DMD: variants seen among roughly 807,000 people sequenced by gnomAD.
DMD encodes the protein mutant dystrophin.
In DMD, 63 loss-of-function variants were observed where a neutral mutation model predicts 330.1. The observed-to-expected ratio is 0.19, with a 90% CI of 0.16 to 0.24. The LOEUF is 0.24. Among genes scored for constraint, DMD ranks in the 10% least tolerant of loss-of-function variants. The probability of loss-of-function intolerance (pLI) is 1.00; values close to 1 mark genes in which losing one functional copy is unlikely to be tolerated. For missense variants in DMD, 3,344 were observed against 2,684.1 expected (o/e 1.25, Z -5.43); for synonymous variants, 1,223 against 959.8 (o/e 1.27, Z -5.07).
At chrX:31,787,641 C>T (rs931880547) in intron 50 of DMD, among the ~76,000 whole-genome samples, 6 of 111,632 alleles carry the variant, frequency 5.4e-5, no homozygotes, top group African/African-American at 2.0e-4. Flanking sequence ...ACTCCGTCTT[C>T]ATAATGACCT....
At chrX:32,919,001 G>C (rs1301857727) in intron 2 of DMD, among the ~76,000 whole-genome samples, 1 of 112,179 alleles carries the variant, frequency 8.9e-6, no homozygotes, top group Non-Finnish European at 1.9e-5. Context: ...GGTAGGTTGA[G>C]AAAGTGGGAA....
chrX:33,056,033 A>G (rs896642086), intron 1 of DMD, among the ~76,000 whole-genome samples: 4 of 110,167 alleles, frequency 3.6e-5, no homozygotes, highest in African/African-American at 1.3e-4. Context: ...CAGCCCGAGA[A>G]TTTACATTTC....
chrX:32,383,381 A>C (rs1238445178), intron 33 of DMD, among the ~76,000 whole-genome samples: 2 of 111,636 alleles, frequency 1.8e-5, no homozygotes, highest in East Asian at 5.6e-4. Flanking sequence ...TTAAAATAGA[A>C]GGGTTCCTTC....
chrX:32,598,156 C>T (rs1275325114), intron 12 of DMD, among the ~76,000 whole-genome samples: 1 of 112,140 alleles, frequency 8.9e-6, no homozygotes, highest in Non-Finnish European at 1.9e-5. Flanking sequence ...CTTTTTACTT[C>T]GTCTCTCTAG....
intron 44 of DMD, among the ~76,000 whole-genome samples, chrX:32,132,833 T>C (rs2096703666): frequency 1.8e-5 from 2 of 110,339 alleles, no homozygotes; most frequent in African/African-American, 3.3e-5. Flanking sequence ...ATGTTATATC[T>C]AAAAAAATTA....
intron 7 of DMD, among the ~76,000 whole-genome samples, chrX:32,795,220 T>G (rs2076100140): frequency 8.9e-6 from 1 of 111,885 alleles, no homozygotes; most frequent in Admixed American, 9.5e-5. Flanking sequence ...GAACAAAGAC[T>G]TATGAATCAC....
intron 18 of DMD, among the ~76,000 whole-genome samples, chrX:32,507,100 G>A (rs1378567896): frequency 8.9e-6 from 1 of 111,735 alleles, no homozygotes; most frequent in African/African-American, 3.2e-5. Flanking sequence ...GAAAAAATAA[G>A]CACATTTAAG....
chrX:32,704,782 A>T lies in DMD; in HGVS notation c.650-5489T>A, dbSNP rs867233577. ...GGAAAGAAGGCACTTCTGGTCATAA[A>T]CTAGCCATAGCCAGAATGCTCAAAA... On this transcript the variant is annotated intron_variant, in intron 7 of 78. Transcript: ENST00000357033. 4.5e-5 allele frequency among the ~76,000 whole-genome samples: 5 copies of T among 112,213 alleles called. 1 individual carries two copies. In the Middle Eastern group the frequency reaches 0.018, roughly 414 times the overall value.
intron 2 of DMD, among the ~76,000 whole-genome samples, chrX:32,898,188 G>A (rs1169448620): frequency 8.9e-6 from 1 of 111,912 alleles, no homozygotes; most frequent in Non-Finnish European, 1.9e-5. Context: ...GCAAGACACT[G>A]GCGTTTTGGA....
chrX:32,117,646 G>T (rs2096616678), intron 44 of DMD, among the ~76,000 whole-genome samples: 1 of 112,219 alleles, frequency 8.9e-6, no homozygotes, highest in Non-Finnish European at 1.9e-5. Context: ...ATGCATATGG[G>T]AGAAGAGTGA....
chrX:31,560,940 G>A (rs980142883), intron 55 of DMD, among the ~76,000 whole-genome samples: 1 of 111,451 alleles, frequency 9.0e-6, no homozygotes, highest in African/African-American at 3.3e-5. Flanking sequence ...TAGTAGTTAC[G>A]TTTTGGGGGA....
intron 1 of DMD, among the ~76,000 whole-genome samples, chrX:33,199,788 T>C (rs1179589323): frequency 9.0e-6 from 1 of 111,137 alleles, no homozygotes; most frequent in Non-Finnish European, 1.9e-5. Flanking sequence ...TCCAAAGTAG[T>C]AGTGAAGCCA....
chrX:31,901,031 C>T (rs980220297), intron 47 of DMD, among the ~76,000 whole-genome samples: 6 of 111,657 alleles, frequency 5.4e-5, no homozygotes, highest in African/African-American at 2.0e-4. Flanking sequence ...GTATATTCTC[C>T]CATGTAGACA....
intron 50 of DMD, among the ~76,000 whole-genome samples, chrX:31,810,800 G>A (rs745320115): frequency 1.8e-5 from 2 of 111,550 alleles, no homozygotes; most frequent in Non-Finnish European, 3.8e-5. Flanking sequence ...CATTTTGAGC[G>A]GTAGGGTACT....
At chrX:32,565,946 T>G in intron 15 of DMD, 65 bp from the exon 16 acceptor site, 1 of 1,006,151 alleles carries the variant, frequency 9.9e-7, no homozygotes, top group Non-Finnish European at 1.4e-6. Context: ...TATAGTTCAA[T>G]CTGCTTTTGC....
intron 27 of DMD, 126 bp from the exon 28 acceptor site, chrX:32,441,440 A>T (rs1355923592): frequency 3.1e-6 from 2 of 652,918 alleles, no homozygotes; most frequent in Non-Finnish European, 4.6e-6. Context: ...ACTTTGTAGC[A>T]GGTAATTCAA....
chrX:32,547,996 C>T (rs746643428), intron 16 of DMD, among the ~76,000 whole-genome samples: 4 of 111,584 alleles, frequency 3.6e-5, no homozygotes, highest in Non-Finnish European at 7.5e-5. Context: ...ATATCATTTT[C>T]AAACTCTATA....
At chrX:32,814,726 G>C (rs1306637001) in intron 6 of DMD, among the ~76,000 whole-genome samples, 1 of 110,847 alleles carries the variant, frequency 9.0e-6, no homozygotes, top group Non-Finnish European at 1.9e-5. Context: ...GGGCAATTTG[G>C]GTATGTTTAC....
rs758853083 is a variant in DMD, at chrX:32,667,881, T to A, written c.961-22729A>T. 3.7e-5 allele frequency among the ~76,000 whole-genome samples: 4 copies of A among 109,461 alleles called. No individual in the cohort carries two copies. The South Asian group carries it at 1.6e-3, about 43-fold the overall frequency. ...AAGGCTGGGCACTGTGGCTCATGCCTGTAATCCCAGCACTTTGGGAGGCCG... is the reference window on the plus strand; with the variant it reads ...AAGGCTGGGCACTGTGGCTCATGCCAGTAATCCCAGCACTTTGGGAGGCCG... On this transcript the variant is annotated intron_variant, in intron 9 of 78. Coordinates refer to ENST00000357033, the MANE Select transcript of DMD (RefSeq NM_004006.3).
Sources: gnomAD v4.1 joint callset for allele counts (sites outside exome capture counted in the v4.1 genomes callset) on GRCh38, gnomAD v4.1.1 for gene constraint, MANE v1.5 for transcripts, NCBI Gene and HGNC (gene_info 2026-07-23, HGNC 2026-07-21) for gene names.